The following SLC2A14 variants were observed in gnomAD, a reference collection of about 807,000 sequenced individuals.
The protein encoded by SLC2A14 is solute carrier family 2, facilitated glucose transporter member 14.
In SLC2A14, 13 loss-of-function variants were observed where a neutral mutation model predicts 43.0. That is an observed-to-expected ratio of 0.30 (90% confidence interval 0.20 to 0.48). The LOEUF is 0.48. SLC2A14 is among the 20% of genes least tolerant of loss of function. SLC2A14 has a pLI of 0.99. For synonymous variants in SLC2A14, 190 were observed against 233.8 expected (o/e 0.81, Z 1.71); for missense variants, 428 against 620.4 (o/e 0.69, Z 3.29).
In SLC2A14 at chr12:7,813,067, G is replaced by A. The variant is rs781735075; in HGVS notation, c.*1249C>T. On this transcript the variant is annotated 3_prime_UTR_variant, in exon 11 of 11. Coordinates refer to ENST00000431042, the MANE Select transcript of SLC2A14 (RefSeq NM_001286234.2). ...GACATGGTAACAGACATACGCAAGC[G>A]TGCCGTGAGCCTAAAGCAACAACAC... 3.3e-5 allele frequency: 5 copies of A among 151,610 alleles called. No individual in the cohort carries two copies. The highest frequency in any genetic ancestry group is 2.0e-4 in the Admixed American group (3 of 15,154). The allele number at this position is 151,610 out of a possible 1,614,324, so 9.4% of individuals were successfully genotyped here. A position where few individuals can be genotyped will look rare whatever the true frequency, so the allele number is the denominator to read the frequency against.
intron 8 of SLC2A14, among the ~76,000 whole-genome samples, 186 bp downstream of exon 8, chr12:7,821,035 C>T (rs189795527): frequency 9.2e-5 from 14 of 151,970 alleles, no homozygotes; most frequent in African/African-American, 3.4e-4. Flanking sequence ...TGCAGTGAGC[C>T]GAGATTGCAC....
At chr12:7,838,349 G>C (rs1019632831) in intron 2 of SLC2A14, among the ~76,000 whole-genome samples, 1 of 152,042 alleles carries the variant, frequency 6.6e-6, no homozygotes, top group Non-Finnish European at 1.5e-5. Context: ...GCCTCCCAAA[G>C]TGCTGGGATT....
Position 7,838,094 on chromosome 12 carries a change from T to A in SLC2A14, c.19-5280A>T, listed in dbSNP as rs770388295. ...TTGTTGTTATGTGTTTTTACCACAATTTTTTTTTTTCGAGACAGAATCTCG... is the reference window on the plus strand; with the variant it reads ...TTGTTGTTATGTGTTTTTACCACAAATTTTTTTTTTCGAGACAGAATCTCG... On this transcript the variant is annotated intron_variant, in intron 2 of 10. Transcript: ENST00000431042. Among the ~76,000 whole-genome samples the A allele has an allele frequency of 9.6e-5, 8 of 83,262 alleles. No homozygotes were observed. In the East Asian group the frequency reaches 1.6e-3, roughly 17 times the overall value. 54.6% of individuals were successfully genotyped at this position (83,262 alleles called of 152,430 possible).
At chr12:7,870,743 A>G (rs896201425) in intron 1 of SLC2A14, 24 of 552,918 alleles carry the variant, frequency 4.3e-5, no homozygotes, top group Non-Finnish European at 4.4e-5. Context: ...ACCAAAAAAA[A>G]CCTCAGAACT....
chr12:7,829,117 G>T (rs1432910634), intron 5 of SLC2A14, among the ~76,000 whole-genome samples: 1 of 151,954 alleles, frequency 6.6e-6, no homozygotes, highest in East Asian at 1.9e-4. Flanking sequence ...GGAGGCTGAG[G>T]CAGAGAATTA....
intron 2 of SLC2A14, among the ~76,000 whole-genome samples, chr12:7,833,628 A>G (rs1200696702): frequency 2.6e-5 from 4 of 152,064 alleles, no homozygotes; most frequent in African/African-American, 9.7e-5. Flanking sequence ...TAAAAATACA[A>G]AAATTAGCAG....
chr12:7,826,042 A>G (rs1864332791), intron 7 of SLC2A14, among the ~76,000 whole-genome samples: 1 of 151,646 alleles, frequency 6.6e-6, no homozygotes, highest in Non-Finnish European at 1.5e-5. Flanking sequence ...TCAGGGCTAC[A>G]CTTGCACGTA....
chr12:7,885,692 CAAAA>C (rs1945676288), intron 1 of SLC2A14, among the ~76,000 whole-genome samples: 1 of 151,524 alleles, frequency 6.6e-6, no homozygotes, highest in Admixed American at 6.6e-5. Context: ...AACAAACAAA[CAAAA>C]ATCAGAGATT....
At chr12:7,852,134 A>G (rs769891098) in intron 2 of SLC2A14, among the ~76,000 whole-genome samples, 35 of 152,288 alleles carry the variant, frequency 2.3e-4, no homozygotes, top group South Asian at 1.4e-3. Context: ...CAGAAGAAAA[A>G]CAGGATTACT....
chr12:7,815,180 G>A (rs1379718902), intron 10 of SLC2A14, among the ~76,000 whole-genome samples: 1 of 151,854 alleles, frequency 6.6e-6, no homozygotes, highest in East Asian at 2.0e-4. Flanking sequence ...AGAGGCTGAG[G>A]CAGGTGGATC....
chr12:7,818,840 C>T (rs1442621588), intron 9 of SLC2A14, among the ~76,000 whole-genome samples: 1 of 152,076 alleles, frequency 6.6e-6, no homozygotes, highest in Middle Eastern at 3.4e-3. Context: ...ATTTTTGAAT[C>T]CCATCTATGT....
chr12:7,876,280 C>CAAAAA (rs59935166), upstream of SLC2A14, among the ~76,000 whole-genome samples: 16 of 68,208 alleles, frequency 2.3e-4, no homozygotes, highest in Middle Eastern at 0.011. Context: ...AACTCCATCT[C>CAAAAA]AAAAAAAAAA....
At chr12:7,829,554 CAAAA>C (rs36068117) in intron 5 of SLC2A14, among the ~76,000 whole-genome samples, 1 of 144,000 alleles carries the variant, frequency 6.9e-6, no homozygotes, top group Non-Finnish European at 1.5e-5. Context: ...AACTCCCTCT[CAAAA>C]AAAAAAAAAG....
intron 7 of SLC2A14, among the ~76,000 whole-genome samples, chr12:7,826,865 C>CCTTCCT (rs1864434233): frequency 2.6e-4 from 4 of 15,464 alleles, no homozygotes; most frequent in African/African-American, 5.8e-4. Flanking sequence ...TTTCTTTTTT[C>CCTTCCT]TTTCTTTCTT....
chr12:7,890,530 G>A (rs1035129691), intron 1 of SLC2A14, among the ~76,000 whole-genome samples: 1 of 151,686 alleles, frequency 6.6e-6, no homozygotes, highest in Non-Finnish European at 1.5e-5. Flanking sequence ...GGTTTATTTT[G>A]ATCAACTCTA....
At chr12:7,816,581 AAACTGGG>A (rs1373309429) in intron 10 of SLC2A14, among the ~76,000 whole-genome samples, 1 of 149,764 alleles carries the variant, frequency 6.7e-6, no homozygotes, top group East Asian at 2.0e-4. Flanking sequence ...ATATATTCTT[AAACTGGG>A]CACCATGGTG....
chr12:7,876,083 T>A (rs1382382736), upstream of SLC2A14, among the ~76,000 whole-genome samples: 3 of 151,654 alleles, frequency 2.0e-5, no homozygotes, highest in African/African-American at 7.3e-5. Context: ...GTTTGAGACC[T>A]GCCTGGCCAG....
chr12:7,832,360 T>C (rs1865113436), intron 3 of SLC2A14, among the ~76,000 whole-genome samples: 1 of 152,168 alleles, frequency 6.6e-6, no homozygotes. Flanking sequence ...AGTGTATTAC[T>C]ATAGGGTGAA....
At chr12:7,837,942 G>A (rs894232282) in intron 2 of SLC2A14, among the ~76,000 whole-genome samples, 4 of 151,902 alleles carry the variant, frequency 2.6e-5, no homozygotes, top group African/African-American at 7.3e-5. Context: ...GTTTTTAGTA[G>A]AGGTGGGGTT....
Sources: gnomAD v4.1 joint callset for allele counts (sites outside exome capture counted in the v4.1 genomes callset) on GRCh38, gnomAD v4.1.1 for gene constraint, MANE v1.5 for transcripts, NCBI Gene and HGNC (gene_info 2026-07-23, HGNC 2026-07-21) for gene names.